DDX1: variants seen among roughly 807,000 people sequenced by gnomAD.
DDX1 encodes the protein ATP-dependent RNA helicase DDX1.
Under a neutral mutation model 108.7 loss-of-function variants are expected in DDX1, and 28 were observed. The observed-to-expected ratio is 0.26, with a 90% CI of 0.19 to 0.35. The LOEUF is 0.35. DDX1 is among the 10% of genes least tolerant of loss of function. DDX1 has a pLI of 1.00. For synonymous variants in DDX1, 295 were observed against 288.9 expected, an observed-to-expected ratio of 1.02 and a Z score of -0.21; for missense variants, 710 against 884.5, an observed-to-expected ratio of 0.80 and a Z score of 2.50.
chr2:15,613,435 C>A, intron 14 of DDX1, 151 bp downstream of exon 14: 1 of 496,396 alleles, frequency 2.0e-6, no homozygotes. Flanking sequence ...GCAAGTGCGC[C>A]TTTTCTTCTC....
intron 19 of DDX1, 66 bp downstream of exon 19, chr2:15,623,648 T>C (rs1573050624): frequency 7.3e-7 from 1 of 1,369,752 alleles, no homozygotes; most frequent in Non-Finnish European, 1.0e-6. Context: ...TAATCTCATG[T>C]TGATGCAATC....
chr2:15,613,385 A>G (rs1304345478), intron 14 of DDX1, 101 bp downstream of exon 14: 1 of 739,650 alleles, frequency 1.4e-6, no homozygotes, highest in Admixed American at 2.8e-5. Flanking sequence ...GGCTGAAATT[A>G]GAGCAAGGTC....
intron 14 of DDX1, 56 bp from the exon 15 acceptor site, chr2:15,617,188 A>C: frequency 1.2e-6 from 1 of 828,094 alleles, no homozygotes; most frequent in African/African-American, 1.7e-5. Context: ...TGCTATTTTA[A>C]CGTAATTATA....
chr2:15,620,373 A>G lies in DDX1; in HGVS notation c.1372A>G (p.Arg458Gly), dbSNP rs1021479352. The change falls in exon 17 of 26, where the codon AGG becomes GGG. Residue 458 changes from arginine to glycine, a missense_variant. Around this residue, in one of 3 missense-constraint regions of DDX1, gnomAD observed 661 missense variants for 810.2 expected, o/e 0.82. Coordinates refer to ENST00000233084, the MANE Select transcript of DDX1 (RefSeq NM_004939.3). ...VNPKTDRLWE[R>G]LGKSHIRTDD... is the part of the protein sequence containing the mutation. Reference sequence around the variant, plus strand: ...TCCCAAAACTGACAGACTCTGGGAAAGGCTTGGAAAGAGCCACATTAGAGT... The same window carrying G: ...TCCCAAAACTGACAGACTCTGGGAAGGGCTTGGAAAGAGCCACATTAGAGT... 6.8e-6 allele frequency: 11 copies of G among 1,613,000 alleles called. No individual in the cohort carries two copies. Among genetic ancestry groups the G allele is most frequent in the Non-Finnish European group, 9.3e-6 (11 of 1,179,722 alleles).
chr2:15,622,698 T>G (rs781266925), intron 18 of DDX1, among the ~76,000 whole-genome samples: 1 of 152,238 alleles, frequency 6.6e-6, no homozygotes, highest in Non-Finnish European at 1.5e-5. Flanking sequence ...AGACACTGTT[T>G]GAAAATCTGT....
At chr2:15,624,171 A>C (rs1666058885) in intron 19 of DDX1, among the ~76,000 whole-genome samples, 1 of 152,212 alleles carries the variant, frequency 6.6e-6, no homozygotes, top group Non-Finnish European at 1.5e-5. Flanking sequence ...AAGATGGAAA[A>C]GGAATGAAAA....
intron 14 of DDX1, 46 bp downstream of exon 14, chr2:15,613,330 G>A (rs753135401): frequency 5.2e-6 from 7 of 1,344,020 alleles, no homozygotes; most frequent in Middle Eastern, 2.1e-4. Context: ...ATGGGCTGTC[G>A]TTTTAGCAAT....
At chr2:15,597,292 C>A in intron 4 of DDX1, 83 bp from the exon 5 acceptor site, 1 of 844,020 alleles carries the variant, frequency 1.2e-6, no homozygotes, top group Non-Finnish European at 1.9e-6. Flanking sequence ...GATGTGTGTG[C>A]ATAACTTTTG....
chr2:15,630,671 A>AAGCAAAG, intron 25 of DDX1, 105 bp from the exon 26 acceptor site: 1 of 1,227,732 alleles, frequency 8.1e-7, no homozygotes. Flanking sequence ...AGTACATTTT[A>AAGCAAAG]TTGCTGCAAG....
intron 13 of DDX1, among the ~76,000 whole-genome samples, chr2:15,608,685 T>A (rs548495535): frequency 1.3e-4 from 19 of 147,642 alleles, no homozygotes; most frequent in African/African-American, 3.6e-4. Context: ...TTTTTTTTTT[T>A]ATGAAGTCTC....
At chr2:15,596,507 G>A (rs374913941) in intron 3 of DDX1, among the ~76,000 whole-genome samples, 33 of 152,102 alleles carry the variant, frequency 2.2e-4, no homozygotes, top group East Asian at 2.1e-3. Context: ...GAGAGCTTCC[G>A]TTTGAATGGT....
chr2:15,614,120 C>G (rs558477327), intron 14 of DDX1, among the ~76,000 whole-genome samples: 2 of 152,070 alleles, frequency 1.3e-5, no homozygotes, highest in Admixed American at 6.5e-5. Flanking sequence ...TGCGCCTGGC[C>G]GAAGTTTAGG....
Position 15,629,644 on chromosome 2 carries a change from A to T in DDX1, c.1918A>T (p.Asn640Tyr). ...VCSSRGKGCY[N>Y]TRLKEDGGCT... ...TAGCAGCCGTGGAAAAGGGTGTTAT[A>T]ACACAAGACTCAAGGAAGATGGAGG... The change falls in exon 24 of 26, where the codon AAC becomes TAC. Residue 640 changes from asparagine (N) to tyrosine (Y), a missense_variant. Around this residue, in one of 3 missense-constraint regions of DDX1, gnomAD observed 661 missense variants for 810.2 expected, o/e 0.82. Coordinates refer to ENST00000233084, the MANE Select transcript of DDX1 (RefSeq NM_004939.3). 6.3e-7 allele frequency: 1 copy of T among 1,589,348 alleles called. No homozygotes were observed. Among genetic ancestry groups the T allele is most frequent in the African/African-American group, 1.4e-5 (1 of 73,222 alleles).
rs764429298 is a variant in DDX1 at position 15,591,925 on chromosome 2, G to A, written c.-9G>A. The A allele has an allele frequency of 1.4e-6, 2 of 1,451,552 alleles. No individual in the cohort carries two copies. The highest frequency in any genetic ancestry group is 2.8e-5 in the Admixed American group (1 of 35,182). 89.9% of individuals were successfully genotyped at this position (1,451,552 alleles called of 1,614,324 possible). A position where few individuals can be genotyped will look rare whatever the true frequency, so the allele number is the denominator to read the frequency against. ...GCGAGCAGGCGAAGCCGCGGAGGAC[G>A]GGGTGAAGATGGCGGCCTTCTCCGG... On this transcript the variant is annotated 5_prime_UTR_variant, in exon 1 of 26. Transcript: ENST00000233084.
intron 13 of DDX1, among the ~76,000 whole-genome samples, chr2:15,610,395 G>A (rs918471336): frequency 6.6e-6 from 1 of 152,130 alleles, no homozygotes; most frequent in Admixed American, 6.5e-5. Context: ...TTTATGTTTA[G>A]GTTCTACATT....
chr2:15,592,476 C>A (rs948792662), intron 1 of DDX1, among the ~76,000 whole-genome samples: 1 of 152,146 alleles, frequency 6.6e-6, no homozygotes, highest in African/African-American at 2.4e-5. Flanking sequence ...TGTTCTTAAA[C>A]GTTGTTATAT....
At position 15,599,652 on chromosome 2, in the gene DDX1, TATTTTA is replaced by T. The variant is rs1319624216; in HGVS notation, c.260-12_260-7del. On this transcript the variant is annotated splice_polypyrimidine_tract_variant and intron_variant, in intron 5 of 25. Coordinates refer to ENST00000233084, the MANE Select transcript of DDX1 (RefSeq NM_004939.3). Reference sequence around the variant, plus strand: ...TTATATATCTGTGGGTAACTTTTCTTATTTTAATTTGTTTAGTGCTGAACAAATGGC... The same window carrying T: ...TTATATATCTGTGGGTAACTTTTCTTATTTGTTTAGTGCTGAACAAATGGC... 6.3e-7 allele frequency: 1 copy of T among 1,586,002 alleles called. No individual in the cohort carries two copies. Among genetic ancestry groups the T allele is most frequent in the African/African-American group, 1.4e-5 (1 of 73,242 alleles).
chr2:15,613,799 A>G (rs1305074970), intron 14 of DDX1, among the ~76,000 whole-genome samples: 2 of 151,328 alleles, frequency 1.3e-5, no homozygotes, highest in Non-Finnish European at 2.9e-5. Flanking sequence ...AGCTAAGAGG[A>G]TCTGATCTCC....
intron 13 of DDX1, among the ~76,000 whole-genome samples, chr2:15,612,977 G>T (rs1437243783): frequency 1.3e-5 from 2 of 151,510 alleles, no homozygotes; most frequent in African/African-American, 4.8e-5. Flanking sequence ...GCTTCGGCTC[G>T]GTATCAGAGG....
Sources: allele counts gnomAD v4.1 joint callset (sites outside exome capture counted in the v4.1 genomes callset), GRCh38; gene constraint gnomAD v4.1.1; regional missense constraint gnomAD v4.1.1; transcripts MANE v1.5; gene names NCBI Gene and HGNC (gene_info 2026-07-23, HGNC 2026-07-21).